Variants in TMEM74 observed in about 807,000 individuals in gnomAD.
The protein encoded by TMEM74 is transmembrane protein 74.
In TMEM74, 13 loss-of-function variants were observed where a neutral mutation model predicts 18.1. The ratio of observed to expected loss-of-function variants is 0.72; its 90% CI spans 0.47 to 1.14. The LOEUF (loss-of-function observed/expected upper bound fraction) is 1.14, where lower values mean the gene tolerates loss of function less well. Among genes scored for constraint, TMEM74 ranks in the 50% most tolerant of loss-of-function variants. The pLI is 0.00. For missense variants in TMEM74, 372 were observed against 375.9 expected (o/e 0.99, Z 0.09); for synonymous variants, 159 against 146.6 (o/e 1.08, Z -0.61).
intron 2 of TMEM74, among the ~76,000 whole-genome samples, chr8:108,645,785 C>A (rs1277145588): frequency 2.6e-5 from 4 of 152,060 alleles, no homozygotes; most frequent in African/African-American, 4.8e-5. Flanking sequence ...TAAGAGATAA[C>A]CAAGGGATTA....
chr8:108,750,927 A>G (rs1046708909), intron 1 of TMEM74, among the ~76,000 whole-genome samples: 1 of 152,088 alleles, frequency 6.6e-6, no homozygotes, highest in Non-Finnish European at 1.5e-5. Flanking sequence ...AGCCTTTTAA[A>G]TAAACTTCCA....
chr8:108,745,701 C>T (rs1344779672), intron 1 of TMEM74, among the ~76,000 whole-genome samples: 2 of 152,064 alleles, frequency 1.3e-5, no homozygotes, highest in African/African-American at 4.8e-5. Context: ...CCCCTCATAT[C>T]GTCTTATGCC....
chr8:108,656,757 A>G (rs1812825119), intron 1 of TMEM74, among the ~76,000 whole-genome samples: 1 of 152,156 alleles, frequency 6.6e-6, no homozygotes, highest in South Asian at 2.1e-4. Flanking sequence ...GTAGGTAACA[A>G]AATAAAGAAG....
At chr8:108,621,022 T>C (rs1009914582) in intron 2 of TMEM74, among the ~76,000 whole-genome samples, 5 of 152,120 alleles carry the variant, frequency 3.3e-5, no homozygotes, top group African/African-American at 9.7e-5. Context: ...GTAGGTAGAG[T>C]TGGCATCAAG....
At chr8:108,650,250 A>T (rs1310917082) in intron 2 of TMEM74, among the ~76,000 whole-genome samples, 2 of 152,200 alleles carry the variant, frequency 1.3e-5, no homozygotes, top group Non-Finnish European at 2.9e-5. Context: ...GGAGTTATCC[A>T]TGCCAGCCAA....
intron 2 of TMEM74, among the ~76,000 whole-genome samples, chr8:108,625,142 G>A (rs956192108): frequency 1.7e-4 from 26 of 151,888 alleles, no homozygotes; most frequent in African/African-American, 6.3e-4. Context: ...AGCAAGTGGT[G>A]GGAGACTTTG....
intron 1 of TMEM74, among the ~76,000 whole-genome samples, chr8:108,772,002 A>T (rs1460197507): frequency 6.6e-6 from 1 of 152,140 alleles, no homozygotes; most frequent in Non-Finnish European, 1.5e-5. Flanking sequence ...TTTTTATGGT[A>T]AAAAAACTAC....
chr8:108,768,804 C>T (rs1432932331), intron 1 of TMEM74, among the ~76,000 whole-genome samples: 1 of 152,196 alleles, frequency 6.6e-6, no homozygotes, highest in Non-Finnish European at 1.5e-5. Context: ...AACCATCTCC[C>T]TCAACTGCTG....
intron 1 of TMEM74, among the ~76,000 whole-genome samples, chr8:108,740,489 C>T (rs1000181602): frequency 2.4e-4 from 37 of 152,172 alleles, no homozygotes; most frequent in Non-Finnish European, 8.8e-5. Flanking sequence ...AGGCATACCT[C>T]GTTTCATTGC....
chr8:108,660,436 G>T (rs1812888127), intron 1 of TMEM74, among the ~76,000 whole-genome samples: 1 of 152,070 alleles, frequency 6.6e-6, no homozygotes, highest in Non-Finnish European at 1.5e-5. Flanking sequence ...GCTTCTCTGG[G>T]CTAGATGCCA....
chr8:108,768,841 G>A (rs1814139524), intron 1 of TMEM74, among the ~76,000 whole-genome samples: 1 of 152,302 alleles, frequency 6.6e-6, no homozygotes, highest in South Asian at 2.1e-4. Flanking sequence ...GACCTCAGTA[G>A]AAGGGTAATT....
At chr8:108,773,319 A>G (rs1336481588) in intron 1 of TMEM74, among the ~76,000 whole-genome samples, 1 of 152,128 alleles carries the variant, frequency 6.6e-6, no homozygotes, top group Middle Eastern at 3.2e-3. Flanking sequence ...TCATCAATAT[A>G]TCCTAAAAAA....
At chr8:108,660,976 A>T (rs1208118922) in intron 1 of TMEM74, among the ~76,000 whole-genome samples, 2 of 152,188 alleles carry the variant, frequency 1.3e-5, no homozygotes, top group African/African-American at 4.8e-5. Flanking sequence ...CATCCATGTG[A>T]TGAAATGTGG....
At chr8:108,778,320 G>A (rs1814257784), downstream of TMEM74, among the ~76,000 whole-genome samples, 1 of 152,126 alleles carries the variant, frequency 6.6e-6, no homozygotes, top group South Asian at 2.1e-4. Flanking sequence ...AGACCTTTCA[G>A]ACTCTTTTCC....
At chr8:108,666,031 T>G (rs899018444) in intron 1 of TMEM74, among the ~76,000 whole-genome samples, 17 of 152,180 alleles carry the variant, frequency 1.1e-4, no homozygotes, top group African/African-American at 3.6e-4. Context: ...TGCCTTGATG[T>G]TGAATAGAAG....
At chr8:108,765,778 T>C (rs1814099627) in intron 1 of TMEM74, among the ~76,000 whole-genome samples, 1 of 152,104 alleles carries the variant, frequency 6.6e-6, no homozygotes, top group African/African-American at 2.4e-5. Flanking sequence ...TAGAGACAAT[T>C]TTTAAACAGA....
chr8:108,706,660 A>G (rs996269000), intron 1 of TMEM74, among the ~76,000 whole-genome samples: 4 of 152,084 alleles, frequency 2.6e-5, no homozygotes, highest in African/African-American at 9.7e-5. Flanking sequence ...ACATTCCATT[A>G]TTCATAAGTA....
At chr8:108,628,494 G>A (rs1358049372) in intron 2 of TMEM74, among the ~76,000 whole-genome samples, 2 of 151,974 alleles carry the variant, frequency 1.3e-5, no homozygotes, top group East Asian at 3.9e-4. Context: ...AGTATTTTAT[G>A]GTGTATACAT....
chr8:108,607,633 T>C (rs975039649), exon 4 of TMEM74: 1 of 152,218 alleles, frequency 6.6e-6, no homozygotes. Flanking sequence ...CACCATGGTA[T>C]TCTGTCCATA....
Sources: allele counts gnomAD v4.1 joint callset (sites outside exome capture counted in the v4.1 genomes callset), GRCh38; gene constraint gnomAD v4.1.1; transcripts MANE v1.5; gene names NCBI Gene and HGNC (gene_info 2026-07-23, HGNC 2026-07-21).